The following SALL1 variants were observed in gnomAD, a reference collection of about 807,000 sequenced individuals.
SALL1 encodes spalt like transcription factor 1.
SALL1 carries 10 observed loss-of-function variants against 73.1 expected under a neutral mutation model. The observed-to-expected ratio is 0.14, with a 90% CI of 0.08 to 0.23. The LOEUF is 0.23. Ranked by LOEUF, SALL1 falls within the 10% of genes least tolerant of loss-of-function variation. The pLI, the probability that SALL1 is intolerant of heterozygous loss-of-function variation, is 1.00. For synonymous variants in SALL1, 688 were observed against 689.8 expected, an observed-to-expected ratio of 1.00 and a Z score of 0.04; for missense variants, 1,520 against 1,697.3, an observed-to-expected ratio of 0.90 and a Z score of 1.84.
chr16:51,142,803 C>T (rs921748235), intron 1 of SALL1, among the ~76,000 whole-genome samples: 1 of 152,212 alleles, frequency 6.6e-6, no homozygotes, highest in Admixed American at 6.5e-5. Flanking sequence ...GATGGCAACA[C>T]ACACAATGAA....
chr16:51,140,889 C>T lies in SALL1; in HGVS notation c.1333G>A (p.Ala445Thr), dbSNP rs1226183031. The T allele has an allele frequency of 6.2e-7, 1 of 1,614,220 alleles. No homozygotes were observed. The change falls in exon 2 of 3, where the codon GCA becomes ACA. Residue 445 changes from alanine to threonine, a missense_variant. By Grantham distance (58) the Ala-to-Thr change is moderately conservative (BLOSUM62 0). Coordinates refer to ENST00000251020, the MANE Select transcript of SALL1 (RefSeq NM_002968.3). The surrounding 1 kb of genome is among the most constrained non-coding windows in gnomAD (Gnocchi z 5.7). ...AFEAKSTSDE[A>T]FFKHKCRFCA... ...AACCTGCACTTGTGTTTGAAGAATGCCTCATCGGAAGTACTTTTCGCTTCA... is the reference window on the plus strand; with the variant it reads ...AACCTGCACTTGTGTTTGAAGAATGTCTCATCGGAAGTACTTTTCGCTTCA...
At position 51,138,902 on chromosome 16, in the gene SALL1, T is replaced by G. The variant is rs1261721235; in HGVS notation, c.3320A>C (p.His1107Pro). ...PQDSKDTPTS[H>P]VPSGPLSSSA... is the part of the protein sequence containing the mutation. ...GGAAGACAGAGGCCCAGACGGGACG[T>G]GACTGGTGGGGGTGTCCTTACTGTC... The change falls in exon 2 of 3, where the codon CAC becomes CCC. Residue 1107 changes from histidine to proline, a missense_variant. By Grantham distance (77) the His-to-Pro change is moderately conservative (BLOSUM62 -2). This residue lies in a region of SALL1 where 318 missense variants were observed against 357.1 expected (regional missense o/e 0.89). Coordinates refer to ENST00000251020, the MANE Select transcript of SALL1 (RefSeq NM_002968.3). The G allele has an allele frequency of 1.9e-6, 3 of 1,614,142 alleles. 1 individual carries two copies. Among genetic ancestry groups the G allele is most frequent in the Admixed American group, 1.7e-5 (1 of 60,016 alleles).
intron 1 of SALL1, chr16:51,143,315 A>T (rs1259304835): frequency 2.4e-6 from 1 of 417,090 alleles, no homozygotes; most frequent in Non-Finnish European, 4.8e-6. Context: ...CCAAGCTAAC[A>T]TCCTATTCAA....
Position 51,139,016 on chromosome 16 carries a change from G to A in SALL1, c.3206C>T (p.Pro1069Leu), listed in dbSNP as rs1354709295. 4 of 1,614,036 alleles carry A rather than the reference G, an allele frequency of 2.5e-6. No individual in the cohort carries two copies. ...GGGAATCACCGCTGAGTTCTGATTG[G>A]GGCCAAGGTTGGAACTGGGCTCAAA... is the stretch of plus-strand genomic sequence containing the variant. ...QLFEPSSNLG[P>L]NQNSAVIPAN... is the part of the protein sequence containing the mutation. Residue 1069 changes from proline (P) to leucine (L), a missense_variant, in exon 2 of 3, where the codon CCC becomes CTC. Coordinates refer to ENST00000251020, the MANE Select transcript of SALL1 (RefSeq NM_002968.3).
In SALL1 at chr16:51,136,219, A is replaced by G. The variant is rs2143426033; in HGVS notation, c.*893T>C. The G allele has an allele frequency of 6.5e-6, 1 of 152,794 alleles. No individual in the cohort carries two copies. The highest frequency in any genetic ancestry group is 2.4e-5 in the African/African-American group (1 of 41,588). 9.5% of individuals were successfully genotyped at this position (152,794 alleles called of 1,614,324 possible). On this transcript the variant is annotated 3_prime_UTR_variant, in exon 3 of 3. Coordinates refer to ENST00000251020, the MANE Select transcript of SALL1 (RefSeq NM_002968.3). ...ATTTGCTCTTGTAAGGAACATATGT[A>G]CATTTGAATGAAAGTGATATTTCTT...
At chr16:51,148,621 A>C (rs1017756504) in intron 1 of SALL1, among the ~76,000 whole-genome samples, 1 of 152,260 alleles carries the variant, frequency 6.6e-6, no homozygotes, top group African/African-American at 2.4e-5. Flanking sequence ...ACTGCAGAAA[A>C]GGTGACTTTT....
rs1448552258 is a variant in SALL1 at position 51,136,049 on chromosome 16, TAGTA to T, written c.*1059_*1062del. ...AGTAAAATTACAGTATCTCTGTTGT[TAGTA>T]AGTATTAAATGTTAAAGAAATTGGA... is the stretch of plus-strand genomic sequence containing the variant. On this transcript the variant is annotated 3_prime_UTR_variant, in exon 3 of 3. Coordinates refer to ENST00000251020, the MANE Select transcript of SALL1 (RefSeq NM_002968.3). 3.9e-5 allele frequency: 6 copies of T among 152,642 alleles called. No individual in the cohort carries two copies. The highest frequency in any genetic ancestry group is 1.2e-4 in the African/African-American group (5 of 41,462). 9.5% of individuals were successfully genotyped at this position (152,642 alleles called of 1,614,324 possible). A position where few individuals can be genotyped will look rare whatever the true frequency, so the allele number is the denominator to read the frequency against.
rs746547512 is a variant in SALL1 at position 51,136,838 on chromosome 16, A to G, written c.*274T>C. On this transcript the variant is annotated 3_prime_UTR_variant, in exon 3 of 3. Transcript: ENST00000251020. ...GCCATAAATGTTACAGCAAGTTTAC[A>G]GCACTCTAGTCAATTAGTATTTAGT... is the stretch of plus-strand genomic sequence containing the variant. The G allele has an allele frequency of 2.4e-5, 11 of 461,718 alleles. No homozygotes were observed. The Admixed American group carries it at 2.5e-4, about 11-fold the overall frequency. 28.6% of individuals were successfully genotyped at this position (461,718 alleles called of 1,614,324 possible). A position where few individuals can be genotyped will look rare whatever the true frequency, so the allele number is the denominator to read the frequency against.
Position 51,141,031 on chromosome 16 carries a change from G to C in SALL1, c.1191C>G (p.Ser397=). 1 of 1,614,204 alleles carries C rather than the reference G, an allele frequency of 6.2e-7. No individual in the cohort carries two copies. Among genetic ancestry groups the C allele is most frequent in the East Asian group, 2.2e-5 (1 of 44,878 alleles). ...AAGGGCTGGGGAAAACCGAGTTAGC[G>C]GAGGCTTGCTGAGGTAGAAGTGGAT... ...ASNPLLPQQA[S]ANSVFPSPLP... Residue 397 remains serine, a synonymous_variant, in exon 2 of 3, where the codon TCC becomes TCG. Transcript: ENST00000251020. The surrounding 1 kb of genome is among the most constrained non-coding windows in gnomAD (Gnocchi z 5.4).
Position 51,141,734 on chromosome 16 carries a change from C to A in SALL1, c.488G>T (p.Gly163Val). The A allele has an allele frequency of 6.2e-7, 1 of 1,610,176 alleles. No homozygotes were observed. Residue 163 changes from glycine to valine, a missense_variant, in exon 2 of 3, where the codon GGC becomes GTC. Gly to Val is a moderately radical substitution (Grantham distance 109). This residue lies in a region of SALL1 where 540 missense variants were observed against 567.5 expected (regional missense o/e 0.95). Transcript: ENST00000251020. This position sits in a 1 kb window ranked among gnomAD's most constrained non-coding sequence, Gnocchi z 5.4. ...CGCTGAGGTACCTGTGGAGGAGCTG[C>A]CGCCGCCGCCGCTGCTGCTGCTGCT... is the stretch of plus-strand genomic sequence containing the variant. ...SSSSSSSGGG[G>V]SSSTGTSAIT...
At chr16:51,138,488 C>T (rs945427650) in intron 2 of SALL1, among the ~76,000 whole-genome samples, 200 bp downstream of exon 2, 1 of 152,074 alleles carries the variant, frequency 6.6e-6, no homozygotes, top group African/African-American at 2.4e-5. Context: ...TGCAGCTTGC[C>T]CTTGTCCCTG....
intron 1 of SALL1, among the ~76,000 whole-genome samples, chr16:51,148,340 T>A (rs184157004): frequency 6.6e-6 from 1 of 152,342 alleles, no homozygotes; most frequent in East Asian, 1.9e-4. Flanking sequence ...CTTTTCTAGG[T>A]CTCACTCTGG....
intron 2 of SALL1, 133 bp from the exon 3 acceptor site, chr16:51,137,685 C>G (rs1962339218): frequency 3.0e-6 from 2 of 674,368 alleles, no homozygotes; most frequent in African/African-American, 3.6e-5. Context: ...GCCTAAATGT[C>G]TATTCTCATC....
chr16:51,139,205 C>T lies in SALL1; in HGVS notation c.3017G>A (p.Cys1006Tyr). Residue 1006 changes from cysteine (C) to tyrosine (Y), a missense_variant, in exon 2 of 3, where the codon TGT becomes TAT. By Grantham distance (194) the Cys-to-Tyr change is radical (BLOSUM62 -2). Around this residue, in one of 7 missense-constraint regions of SALL1, gnomAD observed 266 missense variants for 275.1 expected, o/e 0.97. Transcript: ENST00000251020. ...ACTCTGACAAGCAAATGTTTTGCCA[C>T]AAATGTCACAAGCAGTGTTTTTAAA... is the stretch of plus-strand genomic sequence containing the variant. ...GKFKNTACDI[C>Y]GKTFACQSAL... is the part of the protein sequence containing the mutation. The T allele has an allele frequency of 6.2e-7, 1 of 1,614,206 alleles. No homozygotes were observed. Among genetic ancestry groups the T allele is most frequent in the East Asian group, 2.2e-5 (1 of 44,886 alleles).
chr16:51,150,623 A>C, intron 1 of SALL1: 1 of 976,524 alleles, frequency 1.0e-6, no homozygotes, highest in Non-Finnish European at 1.2e-6. Flanking sequence ...TCGCAGGCCG[A>C]GGGGGAGTGT....
rs1256486558 is a variant in SALL1 at position 51,151,092 on chromosome 16, CGT to C, written c.76+72_76+73del. 1.1e-5 allele frequency: 12 copies of C among 1,096,462 alleles called. No individual in the cohort carries two copies. In the African/African-American group the frequency reaches 1.3e-4, roughly 12 times the overall value. The allele number at this position is 1,096,462 out of a possible 1,614,324, so 67.9% of individuals were successfully genotyped here. Reference sequence around the variant, plus strand: ...AGGTAGGGGGCGCGGGGGCCAGCCGCGTGTGAGTGGGTCCGAGTGTGCGTGAG... The same window carrying C: ...AGGTAGGGGGCGCGGGGGCCAGCCGCGTGAGTGGGTCCGAGTGTGCGTGAG... On this transcript the variant is annotated intron_variant, in intron 1 of 2. Transcript: ENST00000251020.
At position 51,140,889 on chromosome 16, in the gene SALL1, C is replaced by G. The variant is rs1226183031; in HGVS notation, c.1333G>C (p.Ala445Pro). The change falls in exon 2 of 3, where the codon GCA becomes CCA. Residue 445 changes from alanine (A) to proline (P), a missense_variant. Transcript: ENST00000251020. This position sits in a 1 kb window ranked among gnomAD's most constrained non-coding sequence, Gnocchi z 5.7. Reference protein sequence around the residue: ...AFEAKSTSDEAFFKHKCRFCA... With the variant: ...AFEAKSTSDEPFFKHKCRFCA... Reference sequence around the variant, plus strand: ...AACCTGCACTTGTGTTTGAAGAATGCCTCATCGGAAGTACTTTTCGCTTCA... The same window carrying G: ...AACCTGCACTTGTGTTTGAAGAATGGCTCATCGGAAGTACTTTTCGCTTCA... 1 of 1,614,220 alleles carries G rather than the reference C, an allele frequency of 6.2e-7. No homozygotes were observed. Among genetic ancestry groups the G allele is most frequent in the Non-Finnish European group, 8.5e-7 (1 of 1,180,054 alleles).
chr16:51,139,196 G>A lies in SALL1; in HGVS notation c.3026C>T (p.Thr1009Ile). The A allele has an allele frequency of 3.1e-6, 5 of 1,614,208 alleles. No homozygotes were observed. The highest frequency in any genetic ancestry group is 1.1e-5 in the South Asian group (1 of 91,082). Residue 1009 changes from threonine (T) to isoleucine (I), a missense_variant, in exon 2 of 3, where the codon ACA becomes ATA. Coordinates refer to ENST00000251020, the MANE Select transcript of SALL1 (RefSeq NM_002968.3). Reference protein sequence around the residue: ...KNTACDICGKTFACQSALDIH... With the variant: ...KNTACDICGKIFACQSALDIH... ...GTCCAAGGCACTCTGACAAGCAAAT[G>A]TTTTGCCACAAATGTCACAAGCAGT...
intron 1 of SALL1, among the ~76,000 whole-genome samples, chr16:51,147,797 A>ACACACACACACACG (rs1269083756): frequency 6.6e-6 from 1 of 151,950 alleles, no homozygotes; most frequent in Non-Finnish European, 1.5e-5. Flanking sequence ...ACACACACAC[A>ACACACACACACACG]CACACACACA....
Sources: allele counts gnomAD v4.1 joint callset (sites outside exome capture counted in the v4.1 genomes callset), GRCh38; gene constraint gnomAD v4.1.1; regional missense constraint gnomAD v4.1.1; non-coding constraint Gnocchi (gnomAD v3.1); transcripts MANE v1.5; gene names NCBI Gene and HGNC (gene_info 2026-07-23, HGNC 2026-07-21).